Variants in ZNF726 observed in about 807,000 individuals in gnomAD.
The protein encoded by ZNF726 is zinc finger protein 92 pseudogene 3.
Under a neutral mutation model 11.6 loss-of-function variants are expected in ZNF726, and 15 were observed. The ratio of observed to expected loss-of-function variants is 1.29; its 90% confidence interval spans 0.86 to 1.99. ZNF726 has a LOEUF of 1.99. Ranked by LOEUF, ZNF726 falls within the 30% of genes most tolerant of loss-of-function variation. The pLI, the probability that ZNF726 is intolerant of heterozygous loss-of-function variation, is 0.00. For missense variants in ZNF726, 890 were observed against 725.6 expected (o/e 1.23, Z -2.60); for synonymous variants, 295 against 243.6 (o/e 1.21, Z -1.96).
Position 23,932,877 on chromosome 19 carries a change from A to G in ZNF726, c.761A>G (p.Glu254Gly), listed in dbSNP as rs1178984678. 1.2e-6 allele frequency: 2 copies of G among 1,609,190 alleles called. No homozygotes were observed. The highest frequency in any genetic ancestry group is 2.2e-5 in the South Asian group (2 of 90,764). Residue 254 changes from glutamate to glycine, a missense_variant, in exon 4 of 4, where the codon GAG becomes GGG. Physicochemically the swap from Glu to Gly is moderately conservative, Grantham distance 98. Transcript: ENST00000594466. ...ACACATAAGGTAACTCATACTGGAG[A>G]GAAGCCTTACAAGTGTGAAGAATGT... ...YTTHKVTHTG[E>G]KPYKCEECGK...
chr19:23,935,465 G>A (rs530887826), downstream of ZNF726: 334 of 505,244 alleles, frequency 6.6e-4, 3 homozygotes, highest in Non-Finnish European at 1.6e-4. Context: ...AATCTTACAA[G>A]TGTGAATAAT....
At chr19:23,942,729 T>C (rs1968358452) in intron 3 of ZNF726, among the ~76,000 whole-genome samples, 1 of 152,182 alleles carries the variant, frequency 6.6e-6, no homozygotes, top group Non-Finnish European at 1.5e-5. Flanking sequence ...CTTTGTCTCT[T>C]TTAACCACTG....
At position 23,933,093 on chromosome 19, in the gene ZNF726, C is replaced by T. The variant is rs1363217483; in HGVS notation, c.977C>T (p.Ser326Leu). Residue 326 changes from serine (S) to leucine (L), a missense_variant, in exon 4 of 4, where the codon TCA becomes TTA. Coordinates refer to ENST00000594466, the MANE Select transcript of ZNF726 (RefSeq NM_001244038.2). Reference sequence around the variant, plus strand: ...TGTGGCAAAGCATTTGTTTGGTCCTCAACCCTAACTAGACATAAGAGGCTG... The same window carrying T: ...TGTGGCAAAGCATTTGTTTGGTCCTTAACCCTAACTAGACATAAGAGGCTG... Reference protein sequence around the residue: ...EECGKAFVWSSTLTRHKRLHS... With the variant: ...EECGKAFVWSLTLTRHKRLHS... 5.0e-6 allele frequency: 8 copies of T among 1,612,078 alleles called. No individual in the cohort carries two copies. Among genetic ancestry groups the T allele is most frequent in the Non-Finnish European group, 5.9e-6 (7 of 1,179,948 alleles).
downstream of ZNF726, among the ~76,000 whole-genome samples, chr19:23,938,495 T>C (rs1654574855): frequency 6.6e-6 from 1 of 152,214 alleles, no homozygotes; most frequent in African/African-American, 2.4e-5. Context: ...GTATAACCTT[T>C]TGGCTTATGC....
downstream of ZNF726, among the ~76,000 whole-genome samples, chr19:23,937,027 G>T (rs948511068): frequency 6.6e-6 from 1 of 151,604 alleles, no homozygotes; most frequent in African/African-American, 2.4e-5. Flanking sequence ...CTTCCCAGTA[G>T]GGGCGGCTGG....
chr19:23,927,604 A>T (rs1032000338), intron 3 of ZNF726, among the ~76,000 whole-genome samples: 5 of 151,994 alleles, frequency 3.3e-5, no homozygotes, highest in African/African-American at 1.2e-4. Context: ...TGATCTTTCC[A>T]CCTCAGTGTC....
downstream of ZNF726, among the ~76,000 whole-genome samples, chr19:23,937,347 A>T (rs1279799498): frequency 6.6e-6 from 1 of 150,512 alleles, no homozygotes; most frequent in African/African-American, 2.4e-5. Flanking sequence ...CACTTCCCAG[A>T]TGGGGTGGCT....
In ZNF726 at chr19:23,933,846, C is replaced by G. The variant is rs1451557797; in HGVS notation, c.1730C>G (p.Ser577Cys). The change falls in exon 4 of 4, where the codon TCC becomes TGC. Residue 577 changes from serine (S) to cysteine (C), a missense_variant. Ser to Cys is a moderately radical substitution (Grantham distance 112). Coordinates refer to ENST00000594466, the MANE Select transcript of ZNF726 (RefSeq NM_001244038.2). ...CEECGKAFNR[S>C]SNLSTHKIIH... ...GAATGTGGAAAAGCGTTTAATCGAT[C>G]CTCAAATCTTAGTACGCATAAGATA... is the stretch of plus-strand genomic sequence containing the variant. The G allele has an allele frequency of 1.3e-6, 2 of 1,596,434 alleles. No homozygotes were observed. Among genetic ancestry groups the G allele is most frequent in the Non-Finnish European group, 1.7e-6 (2 of 1,171,930 alleles).
chr19:23,922,048 C>T (rs896002020), intron 3 of ZNF726, among the ~76,000 whole-genome samples: 1 of 152,114 alleles, frequency 6.6e-6, no homozygotes. Flanking sequence ...ATAGAATATC[C>T]TCTGGGTTTG....
chr19:23,943,314 G>A (rs1006962890), intron 3 of ZNF726, among the ~76,000 whole-genome samples: 4 of 152,222 alleles, frequency 2.6e-5, no homozygotes, highest in African/African-American at 7.2e-5. Context: ...GTATTGGATA[G>A]CAGAGCTACA....
intron 1 of ZNF726, among the ~76,000 whole-genome samples, chr19:23,916,741 CTG>C (rs1366443514): frequency 6.6e-6 from 1 of 151,762 alleles, no homozygotes; most frequent in African/African-American, 2.4e-5. Context: ...TGTAAAATAT[CTG>C]TGTTTTTTTC....
chr19:23,919,965 T>A, intron 2 of ZNF726, 22 bp from the exon 3 acceptor site: 1 of 1,514,202 alleles, frequency 6.6e-7, no homozygotes, highest in Non-Finnish European at 9.0e-7. Flanking sequence ...AAGATTCATG[T>A]TAATTATTTT....
intron 3 of ZNF726, 106 bp from the exon 4 acceptor site, chr19:23,932,237 C>T: frequency 1.1e-6 from 1 of 943,266 alleles, no homozygotes. Flanking sequence ...TGGTATTTTG[C>T]AAAACCATCT....
downstream of ZNF726, among the ~76,000 whole-genome samples, chr19:23,937,532 A>G (rs1968264407): frequency 6.7e-6 from 1 of 148,866 alleles, no homozygotes; most frequent in African/African-American, 2.5e-5. Flanking sequence ...GGTGCTCCCC[A>G]CATCTCAGAC....
chr19:23,936,193 A>G (rs1484485373), downstream of ZNF726: 2 of 152,246 alleles, frequency 1.3e-5, no homozygotes, highest in Non-Finnish European at 2.9e-5. Flanking sequence ...AAGATGTTCA[A>G]TCCAAAATTA....
intron 2 of ZNF726, chr19:23,919,746 G>A (rs1967795714): frequency 2.1e-6 from 1 of 483,108 alleles, no homozygotes. Flanking sequence ...ATAAAATATT[G>A]TTATTCACAC....
chr19:23,933,939 T>G lies in ZNF726; in HGVS notation c.1823T>G (p.Leu608Arg), dbSNP rs1486039765. Residue 608 changes from leucine to arginine, a missense_variant, in exon 4 of 4, where the codon CTT becomes CGT. Transcript: ENST00000594466. Reference protein sequence around the residue: ...CGKSFIWSSTLFKHKRIHT With the variant: ...CGKSFIWSSTRFKHKRIHT ...AAATCATTTATCTGGTCCTCAACCC[T>G]TTTTAAGCATAAGAGGATTCATACT... 7 of 1,579,556 alleles carry G rather than the reference T, an allele frequency of 4.4e-6. No individual in the cohort carries two copies. The highest frequency in any genetic ancestry group is 6.0e-6 in the Non-Finnish European group (7 of 1,162,502).
intron 1 of ZNF726, 36 bp from the exon 2 acceptor site, chr19:23,919,337 A>T: frequency 6.3e-7 from 1 of 1,591,882 alleles, no homozygotes; most frequent in Non-Finnish European, 8.6e-7. Context: ...GCCCATAGCC[A>T]CTTTGTAAAT....
intron 3 of ZNF726, among the ~76,000 whole-genome samples, chr19:23,942,157 T>C (rs1968348761): frequency 1.3e-5 from 2 of 152,182 alleles, no homozygotes; most frequent in Non-Finnish European, 2.9e-5. Flanking sequence ...TGATTGGTTG[T>C]GTCATTATTG....
Sources: allele counts gnomAD v4.1 joint callset (sites outside exome capture counted in the v4.1 genomes callset), GRCh38; gene constraint gnomAD v4.1.1; transcripts MANE v1.5; gene names NCBI Gene and HGNC (gene_info 2026-07-23, HGNC 2026-07-21).